Variants in DNAJC28 observed in about 807,000 individuals in gnomAD.
DNAJC28 encodes DnaJ heat shock protein family (Hsp40) member C28.
In DNAJC28, 24 loss-of-function variants were observed where a neutral mutation model predicts 33.3. The observed-to-expected ratio is 0.72, with a 90% CI of 0.52 to 1.01. The LOEUF is 1.01. DNAJC28 is among the 50% of genes least tolerant of loss of function. DNAJC28 has a pLI of 0.00. For synonymous variants in DNAJC28, 120 were observed against 147.2 expected, an observed-to-expected ratio of 0.82 and a Z score of 1.34; for missense variants, 442 against 455.2, an observed-to-expected ratio of 0.97 and a Z score of 0.26.
chr21:33,490,120 C>CT (rs899299286), intron 1 of DNAJC28, among the ~76,000 whole-genome samples: 1,443 of 132,774 alleles, frequency 0.011, 12 homozygotes, highest in African/African-American at 0.023. Flanking sequence ...CTTTTCTTTT[C>CT]TTTTTTTTTT....
intron 1 of DNAJC28, among the ~76,000 whole-genome samples, chr21:33,489,775 C>A (rs1032716420): frequency 1.3e-5 from 2 of 150,940 alleles, no homozygotes; most frequent in African/African-American, 2.4e-5. Context: ...CAGGTATGAG[C>A]CACTGCGCTC....
rs777838810 is a variant in DNAJC28, at chr21:33,488,646, T to C, written c.748A>G (p.Asn250Asp). The change falls in exon 2 of 2, where the codon AAT (asparagine) becomes GAT (aspartate). Residue 250 changes from asparagine to aspartate, a missense_variant. Asn to Asp is a conservative substitution (Grantham distance 23, BLOSUM62 1). Transcript: ENST00000381947. ...THNLNRILID[N>D]GYQPEWILKQ... ...AGGATCCATTCTGGTTGGTATCCAT[T>C]ATCGATCAGTATTCGGTTCAGGTTG... The C allele has an allele frequency of 6.2e-7, 1 of 1,613,978 alleles. No individual in the cohort carries two copies. The highest frequency in any genetic ancestry group is 8.5e-7 in the Non-Finnish European group (1 of 1,179,986).
chr21:33,489,467 T>G, intron 1 of DNAJC28, 43 bp from the exon 2 acceptor site: 1 of 1,047,216 alleles, frequency 9.5e-7, no homozygotes, highest in Non-Finnish European at 1.3e-6. Flanking sequence ...AGTTGTATTA[T>G]CAGTTAATTT....
intron 1 of DNAJC28, among the ~76,000 whole-genome samples, chr21:33,490,024 C>T (rs1294600461): frequency 2.0e-5 from 3 of 151,074 alleles, no homozygotes; most frequent in Non-Finnish European, 1.5e-5. Flanking sequence ...AACTCCTGAG[C>T]TCAAACGATC....
chr21:33,488,847 C>T lies in DNAJC28; in HGVS notation c.547G>A (p.Val183Ile), dbSNP rs148189588. ...KLQSQYFPDSVIVKNIRQSKQ... is the reference protein window; with the variant it reads ...KLQSQYFPDSIIVKNIRQSKQ... ...CTCTGTCTTATATTTTTAACAATTA[C>T]ACTATCAGGAAAATACTGGCTTTGT... The change falls in exon 2 of 2, where the codon GTA becomes ATA. Residue 183 changes from valine to isoleucine, a missense_variant. Transcript: ENST00000381947. 1.6e-5 allele frequency: 26 copies of T among 1,611,138 alleles called. No homozygotes were observed. In the African/African-American group the frequency reaches 3.2e-4, roughly 20 times the overall value.
rs1018323028 is a variant in DNAJC28, at chr21:33,491,589, G to A, written c.-32+13C>T. On this transcript the variant is annotated intron_variant, in intron 1 of 1. Coordinates refer to ENST00000381947, the MANE Select transcript of DNAJC28 (RefSeq NM_001040192.3). ...CACTGAGGGGCTCGGGGGTACGGAA[G>A]GCAGAATCGTACCTGATTGGGACAG... 1 of 152,426 alleles carries A rather than the reference G, an allele frequency of 6.6e-6. No homozygotes were observed. The highest frequency in any genetic ancestry group is 1.5e-5 in the Non-Finnish European group (1 of 68,162). The allele number at this position is 152,426 out of a possible 1,614,324, so 9.4% of individuals were successfully genotyped here.
At position 33,489,258 on chromosome 21, in the gene DNAJC28, T is replaced by C. The variant is rs774615462; in HGVS notation, c.136A>G (p.Lys46Glu). 3 of 1,600,558 alleles carry C rather than the reference T, an allele frequency of 1.9e-6. No homozygotes were observed. Among genetic ancestry groups the C allele is most frequent in the South Asian group, 1.1e-5 (1 of 87,732 alleles). ...CTATAATATTCTCTGATCTTCTTTT[T>C]GGATTTATGGGTTGACATCATTCTA... is the stretch of plus-strand genomic sequence containing the variant. Reference protein sequence around the residue: ...RNRMMSTHKSKKKIREYYRLL... With the variant: ...RNRMMSTHKSEKKIREYYRLL... Residue 46 changes from lysine (K) to glutamate (E), a missense_variant, in exon 2 of 2, where the codon AAA (lysine) becomes GAA (glutamate). Physicochemically the swap from Lys to Glu is moderately conservative, Grantham distance 56 (BLOSUM62 1). Coordinates refer to ENST00000381947, the MANE Select transcript of DNAJC28 (RefSeq NM_001040192.3).
In DNAJC28 at chr21:33,489,035, T is replaced by C. The variant is rs770661770; in HGVS notation, c.359A>G (p.Glu120Gly). The C allele has an allele frequency of 6.2e-6, 10 of 1,610,914 alleles. No individual in the cohort carries two copies. The highest frequency in any genetic ancestry group is 7.6e-6 in the Non-Finnish European group (9 of 1,179,512). The change falls in exon 2 of 2, where the codon GAA (glutamate) becomes GGA (glycine). Residue 120 changes from glutamate (E) to glycine (G), a missense_variant. Transcript: ENST00000381947. ...TNASQSKGEEEEDVEKFKYKT... is the reference protein window; with the variant it reads ...TNASQSKGEEGEDVEKFKYKT... ...ATATTTGAATTTTTCTACATCTTCT[T>C]CTTCTTCACCTTTACTCTGACTGGC...
In DNAJC28 at chr21:33,488,885, T is replaced by C; in HGVS notation, c.509A>G (p.Gln170Arg). 1 of 1,610,212 alleles carries C rather than the reference T, an allele frequency of 6.2e-7. No homozygotes were observed. Among genetic ancestry groups the C allele is most frequent in the Non-Finnish European group, 8.5e-7 (1 of 1,179,278 alleles). The change falls in exon 2 of 2, where the codon CAA (glutamine) becomes CGA (arginine). Residue 170 changes from glutamine (Q) to arginine (R), a missense_variant. Transcript: ENST00000381947. ...DRAAEQVMEY[Q>R]KQKLQSQYFP... ...ATACTGGCTTTGTAGTTTCTGCTTT[T>C]GATATTCCATCACTTGTTCAGCAGC...
intron 1 of DNAJC28, among the ~76,000 whole-genome samples, chr21:33,490,795 C>G (rs2084515617): frequency 6.6e-6 from 1 of 151,982 alleles, no homozygotes; most frequent in African/African-American, 2.4e-5. Context: ...TGGATTCTAC[C>G]CCTCACTAAC....
chr21:33,489,797 T>C (rs1403624502), intron 1 of DNAJC28, among the ~76,000 whole-genome samples: 1 of 149,112 alleles, frequency 6.7e-6, no homozygotes, highest in Non-Finnish European at 1.5e-5. Context: ...GCCTTTTTTT[T>C]TTTTTTTTTT....
At chr21:33,489,784 T>A (rs894098412) in intron 1 of DNAJC28, among the ~76,000 whole-genome samples, 3 of 137,976 alleles carry the variant, frequency 2.2e-5, no homozygotes, top group Non-Finnish European at 4.7e-5. Flanking sequence ...GCCACTGCGC[T>A]CAGCCTTTTT....
At position 33,488,668 on chromosome 21, in the gene DNAJC28, G is replaced by C. The variant is rs2084486944; in HGVS notation, c.726C>G (p.Asn242Lys). 1 of 1,612,544 alleles carries C rather than the reference G, an allele frequency of 6.2e-7. No individual in the cohort carries two copies. Among genetic ancestry groups the C allele is most frequent in the South Asian group, 1.1e-5 (1 of 90,550 alleles). The change falls in exon 2 of 2, where the codon AAC (asparagine) becomes AAG (lysine). Residue 242 changes from asparagine to lysine, a missense_variant. Coordinates refer to ENST00000381947, the MANE Select transcript of DNAJC28 (RefSeq NM_001040192.3). ...CATTATCGATCAGTATTCGGTTCAG[G>C]TTGTGAGTCATGGGATCAATGTAAG... ...DCSYIDPMTHNLNRILIDNGY... is the reference protein window; with the variant it reads ...DCSYIDPMTHKLNRILIDNGY...
rs753450991 is a variant in DNAJC28, at chr21:33,489,303, A to G, written c.91T>C (p.Tyr31His). The G allele has an allele frequency of 4.1e-5, 65 of 1,593,890 alleles. No homozygotes were observed. The highest frequency in any genetic ancestry group is 4.4e-5 in the Non-Finnish European group (52 of 1,173,980). ...VIPNRVKMLP[Y>H]FGIIRNRMMS... ...ATTCTATTTCTAATGATACCAAAAT[A>G]TGGAAGCATTTTCACTCGATTAGGA... Residue 31 changes from tyrosine to histidine, a missense_variant, in exon 2 of 2, where the codon TAT becomes CAT. By Grantham distance (83) the Tyr-to-His change is moderately conservative. Transcript: ENST00000381947.
rs767711601 is a variant in DNAJC28, at chr21:33,488,638, G to A, written c.756C>T (p.Tyr252=). ...TTTGCTTAAGGATCCATTCTGGTTGGTATCCATTATCGATCAGTATTCGGT... is the reference window on the plus strand; with the variant it reads ...TTTGCTTAAGGATCCATTCTGGTTGATATCCATTATCGATCAGTATTCGGT... ...NLNRILIDNG[Y]QPEWILKQKE... Residue 252 remains tyrosine (Y), a synonymous_variant, in exon 2 of 2, where the codon TAC becomes TAT. Coordinates refer to ENST00000381947, the MANE Select transcript of DNAJC28 (RefSeq NM_001040192.3). The A allele has an allele frequency of 1.2e-6, 2 of 1,613,856 alleles. No homozygotes were observed. The highest frequency in any genetic ancestry group is 8.5e-7 in the Non-Finnish European group (1 of 1,179,966).
chr21:33,489,167 T>C lies in DNAJC28; in HGVS notation c.227A>G (p.Lys76Arg), dbSNP rs1475923330. 1.9e-6 allele frequency: 3 copies of C among 1,611,978 alleles called. No homozygotes were observed. The South Asian group carries it at 3.3e-5, about 18-fold the overall frequency. The change falls in exon 2 of 2, where the codon AAG becomes AGG. Residue 76 changes from lysine (K) to arginine (R), a missense_variant. Coordinates refer to ENST00000381947, the MANE Select transcript of DNAJC28 (RefSeq NM_001040192.3). ...AGAGCCACTGTCAGGATGATATTGC[T>C]TGGCAAGCTTATGAAAAGATTCCCT... ...EVRESFHKLA[K>R]QYHPDSGSNT...
chr21:33,490,359 G>A (rs573066412), intron 1 of DNAJC28, among the ~76,000 whole-genome samples: 1 of 146,074 alleles, frequency 6.8e-6, no homozygotes, highest in Non-Finnish European at 1.5e-5. Context: ...TGCCCGCCTC[G>A]ACCTCCCAAA....
chr21:33,490,810 C>A (rs566407346), intron 1 of DNAJC28, among the ~76,000 whole-genome samples: 1 of 151,996 alleles, frequency 6.6e-6, no homozygotes, highest in African/African-American at 2.4e-5. Context: ...ACTAACTAAC[C>A]GTATATTTTA....
intron 1 of DNAJC28, among the ~76,000 whole-genome samples, chr21:33,490,120 C>CTTTT (rs899299286): frequency 1.5e-5 from 2 of 132,854 alleles, no homozygotes; most frequent in African/African-American, 5.6e-5. Flanking sequence ...CTTTTCTTTT[C>CTTTT]TTTTTTTTTT....
Sources: allele counts gnomAD v4.1 joint callset (sites outside exome capture counted in the v4.1 genomes callset), GRCh38; gene constraint gnomAD v4.1.1; transcripts MANE v1.5; gene names NCBI Gene and HGNC (gene_info 2026-07-23, HGNC 2026-07-21).